The following RABEP1 variants were observed in gnomAD, a reference collection of about 807,000 sequenced individuals.
RABEP1 encodes rab GTPase-binding effector protein 1.
In RABEP1, 51 loss-of-function variants were observed where a neutral mutation model predicts 123.4. The ratio of observed to expected loss-of-function variants is 0.41; its 90% CI spans 0.33 to 0.52. RABEP1 has a LOEUF of 0.52. Among genes scored for constraint, RABEP1 ranks in the 20% least tolerant of loss-of-function variants. The pLI is 0.16. For synonymous variants in RABEP1, 347 were observed against 355.2 expected, an observed-to-expected ratio of 0.98 and a Z score of 0.26; for missense variants, 888 against 996.3, an observed-to-expected ratio of 0.89 and a Z score of 1.46.
chr17:5,302,025 G>A (rs2075139209), intron 1 of RABEP1, among the ~76,000 whole-genome samples: 1 of 152,100 alleles, frequency 6.6e-6, no homozygotes, highest in African/African-American at 2.4e-5. Context: ...CTGGTTTTGT[G>A]TTTAGATCAG....
At chr17:5,331,838 G>A in intron 2 of RABEP1, 111 bp from the exon 3 acceptor site, 1 of 896,186 alleles carries the variant, frequency 1.1e-6, no homozygotes, top group South Asian at 1.7e-5. Context: ...TCTATTAAAA[G>A]GGTGTCATTT....
chr17:5,297,639 T>G (rs546280213), intron 1 of RABEP1, among the ~76,000 whole-genome samples: 2 of 152,350 alleles, frequency 1.3e-5, no homozygotes, highest in South Asian at 2.1e-4. Flanking sequence ...TTTGAAAATT[T>G]AATGAGCCAG....
Position 5,383,322 on chromosome 17 carries a change from C to A in RABEP1, c.*99C>A. 1.0e-6 allele frequency: 1 copy of A among 984,018 alleles called. No individual in the cohort carries two copies. Among genetic ancestry groups the A allele is most frequent in the Non-Finnish European group, 1.6e-6 (1 of 638,776 alleles). 61.0% of individuals were successfully genotyped at this position (984,018 alleles called of 1,614,324 possible). A position where few individuals can be genotyped will look rare whatever the true frequency, so the allele number is the denominator to read the frequency against. On this transcript the variant is annotated 3_prime_UTR_variant, in exon 18 of 18. Transcript: ENST00000537505. ...AACTCTTAACTGAAGAAAGAGAAGT[C>A]ACAACAAAAGGAAGACTGGAGAAAT...
At chr17:5,342,729 G>T (rs940184412) in intron 5 of RABEP1, among the ~76,000 whole-genome samples, 2 of 152,176 alleles carry the variant, frequency 1.3e-5, no homozygotes, top group Admixed American at 6.5e-5. Context: ...ATATAGAGAA[G>T]TGAAGGAACA....
chr17:5,347,455 C>T (rs1459635534), intron 6 of RABEP1, among the ~76,000 whole-genome samples: 2 of 150,128 alleles, frequency 1.3e-5, no homozygotes, highest in Admixed American at 1.3e-4. Context: ...ACAAACAAAA[C>T]ATCACCAGGC....
intron 2 of RABEP1, among the ~76,000 whole-genome samples, chr17:5,325,002 A>G (rs77696993): frequency 0.029 from 4,449 of 152,222 alleles, 74 homozygotes; most frequent in Middle Eastern, 0.065. Context: ...CAATTCCACT[A>G]TTGGGTATAT....
At chr17:5,332,494 GGAGTA>G (rs1906642770) in intron 3 of RABEP1, among the ~76,000 whole-genome samples, 1 of 152,122 alleles carries the variant, frequency 6.6e-6, no homozygotes. Context: ...GGAATGTGCT[GGAGTA>G]GAGAGAGCTG....
In RABEP1 at chr17:5,380,367, G is replaced by A; in HGVS notation, c.2275G>A (p.Glu759Lys). 1 of 1,558,390 alleles carries A rather than the reference G, an allele frequency of 6.4e-7. No individual in the cohort carries two copies. The part of the protein sequence containing the change: ...ERIKVEKGQL[E>K]STLREKSQQL... Reference sequence around the variant, plus strand: ...TCAGCTTTTTCCTTTTTCACAGTTGGAGTCCACATTAAGAGAGAAGTCTCA... The same window carrying A: ...TCAGCTTTTTCCTTTTTCACAGTTGAAGTCCACATTAAGAGAGAAGTCTCA... Residue 759 changes from glutamate (E) to lysine (K), a missense_variant, in exon 16 of 18, where the codon GAG (glutamate) becomes AAG (lysine). By Grantham distance (56) the Glu-to-Lys change is moderately conservative (BLOSUM62 1). Transcript: ENST00000537505.
rs1045828371 is a variant in RABEP1, at chr17:5,282,324, C to G, written c.-163C>G. 6.2e-6 allele frequency: 3 copies of G among 481,628 alleles called. No individual in the cohort carries two copies. The highest frequency in any genetic ancestry group is 2.0e-5 in the African/African-American group (1 of 49,920). 29.8% of individuals were successfully genotyped at this position (481,628 alleles called of 1,614,324 possible). A position where few individuals can be genotyped will look rare whatever the true frequency, so the allele number is the denominator to read the frequency against. ...CGGAGGTCGGCGGTCGGGTCCGTCTCTGCCCGCGGCTGTGGCGGCGCCGGC... is the reference window on the plus strand; with the variant it reads ...CGGAGGTCGGCGGTCGGGTCCGTCTGTGCCCGCGGCTGTGGCGGCGCCGGC... On this transcript the variant is annotated 5_prime_UTR_variant, in exon 1 of 18. Coordinates refer to ENST00000537505, the MANE Select transcript of RABEP1 (RefSeq NM_004703.6).
chr17:5,360,714 A>C (rs1234891858), intron 8 of RABEP1, among the ~76,000 whole-genome samples: 2 of 152,096 alleles, frequency 1.3e-5, no homozygotes, highest in African/African-American at 2.4e-5. Flanking sequence ...TGCTGCTGTG[A>C]CTTTAATTAT....
intron 7 of RABEP1, 101 bp from the exon 8 acceptor site, chr17:5,354,258 T>C (rs778303753): frequency 8.9e-7 from 1 of 1,122,714 alleles, no homozygotes; most frequent in Non-Finnish European, 1.2e-6. Flanking sequence ...TTTTCTCTTA[T>C]CATAACGCTC....
At chr17:5,368,059 A>AT (rs545953983) in intron 11 of RABEP1, among the ~76,000 whole-genome samples, 48 of 150,424 alleles carry the variant, frequency 3.2e-4, no homozygotes, top group Admixed American at 1.5e-3. Context: ...ACCCAGCCTG[A>AT]TTTTTTTTTT....
At chr17:5,297,190 C>A (rs992472244) in intron 1 of RABEP1, among the ~76,000 whole-genome samples, 2 of 151,904 alleles carry the variant, frequency 1.3e-5, no homozygotes, top group Non-Finnish European at 2.9e-5. Flanking sequence ...TGTATAATGA[C>A]CTTTAGTTGA....
intron 4 of RABEP1, 44 bp downstream of exon 4, chr17:5,335,388 T>C (rs1424890015): frequency 2.7e-6 from 4 of 1,496,206 alleles, no homozygotes; most frequent in Non-Finnish European, 3.7e-6. Context: ...TGAATTCAAA[T>C]GCAAAATGCT....
chr17:5,378,458 C>G, intron 15 of RABEP1: 1 of 621,150 alleles, frequency 1.6e-6, no homozygotes, highest in Non-Finnish European at 2.9e-6. Flanking sequence ...TAAGATGTGA[C>G]TGTGGCCTGG....
intron 9 of RABEP1, among the ~76,000 whole-genome samples, 186 bp from the exon 10 acceptor site, chr17:5,362,726 T>C (rs941611872): frequency 6.6e-6 from 1 of 152,230 alleles, no homozygotes; most frequent in African/African-American, 2.4e-5. Flanking sequence ...TGTCCTATCA[T>C]ACTTGTACTG....
intron 2 of RABEP1, among the ~76,000 whole-genome samples, chr17:5,312,773 C>T (rs2075257103): frequency 6.6e-6 from 1 of 152,130 alleles, no homozygotes; most frequent in African/African-American, 2.4e-5. Context: ...ACATTTTGCA[C>T]AGTATCATCA....
In RABEP1 at chr17:5,338,000, T is replaced by A. The variant is rs760328635; in HGVS notation, c.529-19T>A. On this transcript the variant is annotated intron_variant, in intron 4 of 17. Transcript: ENST00000537505. ...CAGTAAATGAATAAGTCGTAGCATT[T>A]AATTCTTTTTAACCATAGGCCCAAG... is the stretch of plus-strand genomic sequence containing the variant. 43 of 1,594,192 alleles carry A rather than the reference T, an allele frequency of 2.7e-5. No homozygotes were observed. The highest frequency in any genetic ancestry group is 1.4e-5 in the African/African-American group (1 of 73,560).
At chr17:5,363,232 G>GT (rs1015601394) in intron 10 of RABEP1, among the ~76,000 whole-genome samples, 28 of 141,482 alleles carry the variant, frequency 2.0e-4, no homozygotes, top group Non-Finnish European at 3.8e-4. Flanking sequence ...GTTTTTGTTT[G>GT]TTTTTTTTGA....
Sources: gnomAD v4.1 joint callset for allele counts (sites outside exome capture counted in the v4.1 genomes callset) on GRCh38, gnomAD v4.1.1 for gene constraint, MANE v1.5 for transcripts, NCBI Gene and HGNC (gene_info 2026-07-23, HGNC 2026-07-21) for gene names.